EIPR1: variants seen among roughly 807,000 people sequenced by gnomAD.
EIPR1 encodes the protein EARP and GARP complex-interacting protein 1.
Under a neutral mutation model 48.1 loss-of-function variants are expected in EIPR1, and 25 were observed. The observed-to-expected ratio is 0.52, with a 90% CI of 0.38 to 0.73. The LOEUF (loss-of-function observed/expected upper bound fraction) is 0.73, where lower values mean the gene tolerates loss of function less well. Ranked by LOEUF, EIPR1 falls within the 30% of genes least tolerant of loss-of-function variation. EIPR1 has a pLI of 0.00. For synonymous variants in EIPR1, 204 were observed against 201.9 expected (o/e 1.01, Z -0.09); for missense variants, 415 against 506.2 (o/e 0.82, Z 1.73).
At chr2:3,308,033 C>T (rs910282001) in intron 3 of EIPR1, among the ~76,000 whole-genome samples, 1 of 152,190 alleles carries the variant, frequency 6.6e-6, no homozygotes. Flanking sequence ...ACAACAGAGC[C>T]ACACCAGCCC....
At chr2:3,298,530 T>C (rs1558282493) in intron 3 of EIPR1, 1 of 152,088 alleles carries the variant, frequency 6.6e-6, no homozygotes, top group East Asian at 1.9e-4. Flanking sequence ...TCTAGGATCT[T>C]ACGATCTCGA....
At chr2:3,223,376 A>G (rs1471268599) in intron 4 of EIPR1, among the ~76,000 whole-genome samples, 1 of 152,142 alleles carries the variant, frequency 6.6e-6, no homozygotes, top group Non-Finnish European at 1.5e-5. Context: ...CAACGAGCTC[A>G]CACCTCCCAC....
chr2:3,198,310 T>C (rs910394744), intron 5 of EIPR1, among the ~76,000 whole-genome samples: 3 of 152,112 alleles, frequency 2.0e-5, no homozygotes, highest in African/African-American at 7.2e-5. Context: ...CCCCCAGTCC[T>C]ATGCAAATGG....
chr2:3,194,665 T>C lies in EIPR1; in HGVS notation c.654-499A>G, dbSNP rs1337631116. 4.1e-5 allele frequency among the ~76,000 whole-genome samples: 6 copies of C among 145,492 alleles called. No individual in the cohort carries two copies. In the South Asian group the frequency reaches 6.7e-4, roughly 16 times the overall value. ...ACAACACAAAATATCTATCTATATA[T>C]AGAACTATATATATACAGAGAGAGA... On this transcript the variant is annotated intron_variant, in intron 6 of 8. Coordinates refer to ENST00000382125, the MANE Select transcript of EIPR1 (RefSeq NM_003310.5).
At chr2:3,347,361 T>C (rs1031975208) in intron 2 of EIPR1, among the ~76,000 whole-genome samples, 1 of 152,194 alleles carries the variant, frequency 6.6e-6, no homozygotes, top group Admixed American at 6.5e-5. Context: ...AATCGAATCA[T>C]GGGGGCAGTT....
intron 1 of EIPR1, among the ~76,000 whole-genome samples, chr2:3,375,976 G>A (rs1659863088): frequency 6.6e-6 from 1 of 152,108 alleles, no homozygotes; most frequent in Non-Finnish European, 1.5e-5. Flanking sequence ...AAATTTATTT[G>A]TAAGAATTTT....
chr2:3,340,921 AC>A (rs1670220026), intron 2 of EIPR1, among the ~76,000 whole-genome samples: 1 of 151,782 alleles, frequency 6.6e-6, no homozygotes. Context: ...ATATGGTGAA[AC>A]CCCATCTCTA....
intron 1 of EIPR1, among the ~76,000 whole-genome samples, chr2:3,359,896 T>G (rs1670812835): frequency 6.6e-6 from 1 of 152,174 alleles, no homozygotes; most frequent in Admixed American, 6.5e-5. Context: ...ATTTAGTACA[T>G]AAACTGAGGA....
chr2:3,259,202 C>CA (rs796171820), intron 3 of EIPR1, among the ~76,000 whole-genome samples: 96 of 152,174 alleles, frequency 6.3e-4, no homozygotes, highest in African/African-American at 2.0e-3. Flanking sequence ...GGCTGCACTT[C>CA]AAAATGAATG....
chr2:3,263,936 C>T (rs1280639731), intron 3 of EIPR1, among the ~76,000 whole-genome samples: 2 of 152,196 alleles, frequency 1.3e-5, no homozygotes, highest in Non-Finnish European at 2.9e-5. Context: ...TTCATATTTG[C>T]ATTACCTTAC....
chr2:3,350,946 A>C (rs1450898443), intron 2 of EIPR1, among the ~76,000 whole-genome samples: 1 of 352 alleles, frequency 2.8e-3, no homozygotes, highest in Non-Finnish European at 0.017. Flanking sequence ...ACTTCGTTCC[A>C]AAAAAAAAAA....
chr2:3,291,926 C>A (rs1253458862), intron 3 of EIPR1, among the ~76,000 whole-genome samples: 1 of 152,250 alleles, frequency 6.6e-6, no homozygotes. Flanking sequence ...CAGCCCCAAG[C>A]CTGTCTGTGT....
chr2:3,227,727 G>A (rs781609855), intron 4 of EIPR1, among the ~76,000 whole-genome samples: 5 of 152,324 alleles, frequency 3.3e-5, no homozygotes, highest in African/African-American at 4.8e-5. Context: ...CCAGGCCTAC[G>A]GCCCCCCTGC....
intron 1 of EIPR1, among the ~76,000 whole-genome samples, chr2:3,374,206 T>C (rs1212170195): frequency 1.3e-5 from 2 of 151,820 alleles, no homozygotes; most frequent in African/African-American, 2.4e-5. Context: ...ATCCCTTCCT[T>C]ACACCTTATA....
chr2:3,269,730 C>G (rs1667646228), intron 3 of EIPR1, among the ~76,000 whole-genome samples: 1 of 152,216 alleles, frequency 6.6e-6, no homozygotes, highest in Non-Finnish European at 1.5e-5. Flanking sequence ...TCATCACACT[C>G]AATCATCGCA....
intron 4 of EIPR1, among the ~76,000 whole-genome samples, chr2:3,233,323 A>G (rs1666300328): frequency 6.6e-6 from 1 of 152,206 alleles, no homozygotes; most frequent in Non-Finnish European, 1.5e-5. Flanking sequence ...TTTTTAATCC[A>G]ATTCCCATGT....
chr2:3,301,634 G>A (rs1011360755), intron 3 of EIPR1, among the ~76,000 whole-genome samples: 15 of 152,206 alleles, frequency 9.9e-5, no homozygotes, highest in East Asian at 1.9e-4. Flanking sequence ...AAAACCAAAC[G>A]AGAAAAGTGT....
intron 3 of EIPR1, among the ~76,000 whole-genome samples, chr2:3,291,112 G>C (rs1330471878): frequency 6.6e-6 from 1 of 152,232 alleles, no homozygotes; most frequent in Admixed American, 6.5e-5. Context: ...TCAGATGCGA[G>C]GCTGGATGTT....
intron 3 of EIPR1, among the ~76,000 whole-genome samples, chr2:3,290,726 C>T (rs1485412517): frequency 1.3e-5 from 2 of 152,218 alleles, no homozygotes; most frequent in Non-Finnish European, 2.9e-5. Flanking sequence ...CGTGCCTGAC[C>T]ACTTCAGTGG....
Sources: allele counts gnomAD v4.1 joint callset (sites outside exome capture counted in the v4.1 genomes callset), GRCh38; gene constraint gnomAD v4.1.1; transcripts MANE v1.5; gene names NCBI Gene and HGNC (gene_info 2026-07-23, HGNC 2026-07-21).